GRM1: variants seen among roughly 807,000 people sequenced by gnomAD.
GRM1 encodes the protein glutamate metabotropic receptor 1.
GRM1 carries 33 observed loss-of-function variants against 90.9 expected under a neutral mutation model. That is an observed-to-expected ratio of 0.36 (90% confidence interval 0.28 to 0.49). The LOEUF (loss-of-function observed/expected upper bound fraction) is 0.49. Ranked by LOEUF, GRM1 falls within the 20% of genes least tolerant of loss-of-function variation. The pLI is 0.99. For synonymous variants in GRM1, 700 were observed against 613.2 expected (o/e 1.14, Z -2.09); for missense variants, 1,190 against 1,534.3 (o/e 0.78, Z 3.75).
chr6:146,303,130 G>A (rs1311617710), intron 2 of GRM1, among the ~76,000 whole-genome samples: 2 of 152,134 alleles, frequency 1.3e-5, no homozygotes, highest in East Asian at 1.9e-4. Flanking sequence ...GAAGATTCTA[G>A]AGAAGAACTG....
chr6:146,229,386 A>G (rs950864723), intron 2 of GRM1, among the ~76,000 whole-genome samples: 1 of 149,726 alleles, frequency 6.7e-6, no homozygotes, highest in African/African-American at 2.5e-5. Flanking sequence ...TTTTCATACT[A>G]GATCAGTGAT....
At chr6:146,267,083 A>G (rs1255329784) in intron 2 of GRM1, among the ~76,000 whole-genome samples, 1 of 151,778 alleles carries the variant, frequency 6.6e-6, no homozygotes, top group Non-Finnish European at 1.5e-5. Flanking sequence ...TATTCCCCCC[A>G]TGTGTCCATG....
chr6:146,251,718 A>G (rs193289129), intron 2 of GRM1, among the ~76,000 whole-genome samples: 10 of 152,326 alleles, frequency 6.6e-5, no homozygotes, highest in Admixed American at 2.6e-4. Context: ...ATCAACTCCA[A>G]CCATATCCCT....
intron 1 of GRM1, among the ~76,000 whole-genome samples, chr6:146,123,011 A>G (rs928077632): frequency 6.6e-6 from 1 of 151,290 alleles, no homozygotes; most frequent in Non-Finnish European, 1.5e-5. Flanking sequence ...CATCCAGCTG[A>G]TTTTTGTATT....
chr6:146,195,031 C>T (rs2114595292), intron 2 of GRM1, among the ~76,000 whole-genome samples: 1 of 152,294 alleles, frequency 6.6e-6, no homozygotes, highest in East Asian at 1.9e-4. Context: ...ATTGTAATCA[C>T]TCCATAAATG....
chr6:146,237,136 C>T (rs1339576201), intron 2 of GRM1, among the ~76,000 whole-genome samples: 1 of 152,008 alleles, frequency 6.6e-6, no homozygotes, highest in Non-Finnish European at 1.5e-5. Context: ...CTTTGTGACT[C>T]AGCTATCTAG....
At chr6:146,233,412 GTA>G (rs984893081) in intron 2 of GRM1, among the ~76,000 whole-genome samples, 4 of 152,024 alleles carry the variant, frequency 2.6e-5, no homozygotes, top group East Asian at 1.9e-4. Flanking sequence ...CTACAAATCT[GTA>G]TCTTTTTTTT....
intron 1 of GRM1, among the ~76,000 whole-genome samples, chr6:146,128,101 A>C (rs1355859985): frequency 6.6e-6 from 1 of 152,264 alleles, no homozygotes; most frequent in South Asian, 2.1e-4. Flanking sequence ...TCCAAGGGCA[A>C]GTATCCCTAG....
rs927029466 is a variant in GRM1, at chr6:146,435,827, T to C, written c.*1031T>C. 1 of 152,624 alleles carries C rather than the reference T, an allele frequency of 6.6e-6. No homozygotes were observed. Among genetic ancestry groups the C allele is most frequent in the Non-Finnish European group, 1.5e-5 (1 of 68,038 alleles). The allele number at this position is 152,624 out of a possible 1,614,324, so 9.5% of individuals were successfully genotyped here. On this transcript the variant is annotated 3_prime_UTR_variant, in exon 8 of 8. Transcript: ENST00000282753. ...GTTACCTTCCACTTACTGTAGCAAA[T>C]AATACCTACAAGTTGAACTTCTAAG... is the stretch of plus-strand genomic sequence containing the variant.
At chr6:146,198,787 C>T (rs1232105928) in intron 2 of GRM1, among the ~76,000 whole-genome samples, 1 of 152,134 alleles carries the variant, frequency 6.6e-6, no homozygotes, top group Non-Finnish European at 1.5e-5. Context: ...GAATATATGG[C>T]AGAAGGACCA....
At chr6:146,049,141 GAACC>G (rs1791435062) in intron 1 of GRM1, among the ~76,000 whole-genome samples, 1 of 151,806 alleles carries the variant, frequency 6.6e-6, no homozygotes, top group Admixed American at 6.6e-5. Flanking sequence ...CCTACCATGT[GAACC>G]ACCACCTTCT....
chr6:146,383,258 G>A (rs1464760697), intron 5 of GRM1, among the ~76,000 whole-genome samples: 1 of 152,132 alleles, frequency 6.6e-6, no homozygotes, highest in Non-Finnish European at 1.5e-5. Context: ...CACCTTCCAT[G>A]TACTAGTTAT....
At chr6:146,334,493 A>G (rs994122600) in intron 3 of GRM1, among the ~76,000 whole-genome samples, 60 of 152,324 alleles carry the variant, frequency 3.9e-4, no homozygotes, top group Middle Eastern at 3.4e-3. Context: ...CTGCATGGGC[A>G]CAGAACACAA....
intron 1 of GRM1, among the ~76,000 whole-genome samples, chr6:146,049,270 G>A (rs1562428555): frequency 6.6e-6 from 1 of 151,918 alleles, no homozygotes; most frequent in Non-Finnish European, 1.5e-5. Flanking sequence ...TTTTTGAGTA[G>A]GTCTATGAGG....
At chr6:146,390,291 GT>G (rs963644013) in intron 6 of GRM1, among the ~76,000 whole-genome samples, 3 of 151,004 alleles carry the variant, frequency 2.0e-5, no homozygotes, top group African/African-American at 4.9e-5. Flanking sequence ...TTAAAATGTG[GT>G]TTTTTTTGGC....
At position 146,357,280 on chromosome 6, in the gene GRM1, C is replaced by T. The variant is rs113472704; in HGVS notation, c.1434-246C>T. Among the ~76,000 whole-genome samples the T allele has an allele frequency of 1.3e-3, 194 of 152,082 alleles. 1 individual carries two copies. Among genetic ancestry groups the T allele is most frequent in the African/African-American group, 4.1e-3 (172 of 41,462 alleles). ...ATAGCATTATTTTTTGGAGGATAAG[C>T]AGAGAGAAAAGTACAAGAGTAATTT... is the stretch of plus-strand genomic sequence containing the variant. On this transcript the variant is annotated intron_variant, in intron 4 of 7. Coordinates refer to ENST00000282753, the MANE Select transcript of GRM1 (RefSeq NM_001278064.2).
At chr6:146,039,307 G>A (rs761080440) in intron 1 of GRM1, among the ~76,000 whole-genome samples, 19 of 152,080 alleles carry the variant, frequency 1.2e-4, no homozygotes, top group Non-Finnish European at 2.2e-4. Context: ...CACTATATCC[G>A]AGGAAACAAA....
chr6:146,355,416 A>C (rs362885), intron 4 of GRM1, among the ~76,000 whole-genome samples: 4,352 of 152,262 alleles, frequency 0.029, 100 homozygotes, highest in Middle Eastern at 0.071. Context: ...AACACAGCAA[A>C]GAGATGAATA....
chr6:146,397,543 ATAGT>A, intron 6 of GRM1, among the ~76,000 whole-genome samples: 1 of 151,116 alleles, frequency 6.6e-6, no homozygotes, highest in East Asian at 2.0e-4. Context: ...ATAGTAAGGG[ATAGT>A]TATGCTAGGC....
Sources: allele counts gnomAD v4.1 joint callset (sites outside exome capture counted in the v4.1 genomes callset), GRCh38; gene constraint gnomAD v4.1.1; transcripts MANE v1.5; gene names NCBI Gene and HGNC (gene_info 2026-07-23, HGNC 2026-07-21).